The following DIAPH3 variants were observed in gnomAD, a reference collection of about 807,000 sequenced individuals.
The protein encoded by DIAPH3 is protein diaphanous homolog 3.
A neutral mutation model predicts 144.3 loss-of-function variants in DIAPH3; 117 were observed. The observed-to-expected ratio is 0.81, with a 90% CI of 0.70 to 0.95. The LOEUF (loss-of-function observed/expected upper bound fraction) is 0.95. Among genes scored for constraint, DIAPH3 ranks in the 40% least tolerant of loss-of-function variants. DIAPH3 has a pLI of 0.00. For missense variants in DIAPH3, 1,421 were observed against 1,412.7 expected, an observed-to-expected ratio of 1.01 and a Z score of -0.09; for synonymous variants, 519 against 488.9, an observed-to-expected ratio of 1.06 and a Z score of -0.81.
At chr13:60,055,809 C>A (rs577533497) in intron 4 of DIAPH3, among the ~76,000 whole-genome samples, 281 of 151,822 alleles carry the variant, frequency 1.9e-3, no homozygotes, top group Non-Finnish European at 3.3e-3. Flanking sequence ...CAATCGCATA[C>A]CTTCGGGGTG....
intron 27 of DIAPH3, among the ~76,000 whole-genome samples, chr13:59,736,912 T>C (rs1428606948): frequency 1.3e-5 from 2 of 152,198 alleles, no homozygotes; most frequent in African/African-American, 4.8e-5. Context: ...AAGAATTCCC[T>C]ATTCAATAAA....
intron 27 of DIAPH3, among the ~76,000 whole-genome samples, chr13:59,759,620 C>T (rs145931972): frequency 2.6e-5 from 4 of 152,132 alleles, no homozygotes; most frequent in South Asian, 2.1e-4. Context: ...GAGTAATAGG[C>T]GGTGTTCAGC....
chr13:59,837,778 A>G (rs1200464898), intron 23 of DIAPH3: 1 of 151,440 alleles, frequency 6.6e-6, no homozygotes, highest in Non-Finnish European at 1.5e-5. Context: ...TTAAAAAGAA[A>G]AAAAAAAAAA....
chr13:59,703,086 C>G (rs1398952435), intron 27 of DIAPH3, among the ~76,000 whole-genome samples: 1 of 152,104 alleles, frequency 6.6e-6, no homozygotes, highest in East Asian at 1.9e-4. Flanking sequence ...TTTTCTCTTT[C>G]TTTCTGGGAT....
At chr13:59,822,132 C>T (rs2041104420) in intron 24 of DIAPH3, among the ~76,000 whole-genome samples, 1 of 152,118 alleles carries the variant, frequency 6.6e-6, no homozygotes, top group African/African-American at 2.4e-5. Flanking sequence ...AACCTATTCA[C>T]ATTTCTTTAA....
chr13:60,011,562 C>T (rs984301539), intron 7 of DIAPH3, among the ~76,000 whole-genome samples: 1 of 152,144 alleles, frequency 6.6e-6, no homozygotes, highest in African/African-American at 2.4e-5. Context: ...ACTTCTTTTT[C>T]TTCCTAAATA....
chr13:60,156,941 T>TATATATATATATATA (rs1566834028), intron 1 of DIAPH3, among the ~76,000 whole-genome samples: 8 of 27,394 alleles, frequency 2.9e-4, no homozygotes, highest in African/African-American at 8.3e-4. Context: ...ATATATATAT[T>TATATATATATATATA]TTTTTTTTTT....
At position 60,128,213 on chromosome 13, in the gene DIAPH3, A is replaced by G. The variant is rs555787390; in HGVS notation, c.213+4744T>C. Among the ~76,000 whole-genome samples, 8 of 152,248 alleles carry G rather than the reference A, an allele frequency of 5.3e-5. No homozygotes were observed. The South Asian group carries it at 1.7e-3, about 32-fold the overall frequency. On this transcript the variant is annotated intron_variant, in intron 2 of 27. Transcript: ENST00000400324. ...GCTAAGGATAATGGCCTCCAGCTCC[A>G]TCCATGTTCCTGCAAAGGACATGAT...
At chr13:59,812,136 A>C (rs899095016) in intron 24 of DIAPH3, among the ~76,000 whole-genome samples, 1 of 152,184 alleles carries the variant, frequency 6.6e-6, no homozygotes, top group African/African-American at 2.4e-5. Context: ...TTAACCCTAG[A>C]GTTAGTACAA....
At chr13:60,140,628 G>C (rs1594766286) in intron 1 of DIAPH3, among the ~76,000 whole-genome samples, 1 of 152,016 alleles carries the variant, frequency 6.6e-6, no homozygotes, top group Non-Finnish European at 1.5e-5. Context: ...TACACATCTG[G>C]ATTATGGGAT....
chr13:59,811,534 C>G (rs185646276), intron 24 of DIAPH3, among the ~76,000 whole-genome samples: 1 of 151,836 alleles, frequency 6.6e-6, no homozygotes, highest in East Asian at 1.9e-4. Flanking sequence ...GTCAGTAGAT[C>G]GAGACCATCC....
At chr13:59,974,182 TAC>T (rs1456990495) in intron 15 of DIAPH3, among the ~76,000 whole-genome samples, 168 bp downstream of exon 15, 9 of 151,950 alleles carry the variant, frequency 5.9e-5, no homozygotes, top group Non-Finnish European at 1.2e-4. Flanking sequence ...TAGATATACA[TAC>T]ATATAGAAAA....
At chr13:60,148,584 C>CA (rs1000307331) in intron 1 of DIAPH3, among the ~76,000 whole-genome samples, 2 of 152,042 alleles carry the variant, frequency 1.3e-5, no homozygotes, top group Non-Finnish European at 1.5e-5. Context: ...AAGAGAAAAT[C>CA]AAAGAGATTA....
chr13:60,026,822 C>T (rs2054408784), intron 5 of DIAPH3, among the ~76,000 whole-genome samples: 1 of 151,870 alleles, frequency 6.6e-6, no homozygotes, highest in Non-Finnish European at 1.5e-5. Flanking sequence ...TTCTTATTGT[C>T]CTATAATGAT....
chr13:59,724,954 T>A (rs1210944938), intron 27 of DIAPH3, among the ~76,000 whole-genome samples: 2 of 152,212 alleles, frequency 1.3e-5, no homozygotes, highest in Non-Finnish European at 2.9e-5. Context: ...CTTTTATTTA[T>A]CAAGGACTGT....
chr13:60,117,432 A>T (rs2058730354), intron 2 of DIAPH3, among the ~76,000 whole-genome samples: 1 of 152,092 alleles, frequency 6.6e-6, no homozygotes, highest in African/African-American at 2.4e-5. Flanking sequence ...AAAGAACCAT[A>T]AAAGAAAAAT....
At chr13:60,160,661 A>G (rs1434667517) in intron 1 of DIAPH3, among the ~76,000 whole-genome samples, 2 of 152,178 alleles carry the variant, frequency 1.3e-5, no homozygotes, top group Non-Finnish European at 2.9e-5. Context: ...CTGCCTTCAC[A>G]AAGTCTCCAC....
intron 27 of DIAPH3, among the ~76,000 whole-genome samples, chr13:59,693,984 G>A (rs2033667192): frequency 6.6e-6 from 1 of 152,060 alleles, no homozygotes; most frequent in Non-Finnish European, 1.5e-5. Context: ...CTTCAAATAA[G>A]TGACTTCATT....
At chr13:60,120,090 T>C (rs901265994) in intron 2 of DIAPH3, among the ~76,000 whole-genome samples, 1 of 152,070 alleles carries the variant, frequency 6.6e-6, no homozygotes, top group African/African-American at 2.4e-5. Flanking sequence ...CAGGAATGAA[T>C]GATTAATTCT....
Sources: allele counts gnomAD v4.1 joint callset (sites outside exome capture counted in the v4.1 genomes callset), GRCh38; gene constraint gnomAD v4.1.1; transcripts MANE v1.5; gene names NCBI Gene and HGNC (gene_info 2026-07-23, HGNC 2026-07-21).